ADAMTSL1: variants seen among roughly 807,000 people sequenced by gnomAD.
ADAMTSL1 encodes ADAMTS-like protein 1.
ADAMTSL1 carries 126 observed loss-of-function variants against 201.8 expected under a neutral mutation model. The observed-to-expected ratio is 0.62, with a 90% confidence interval of 0.54 to 0.72. ADAMTSL1 has a LOEUF of 0.72. ADAMTSL1 is among the 30% of genes least tolerant of loss of function. ADAMTSL1 has a pLI of 0.00. For missense variants in ADAMTSL1, 2,679 were observed against 2,277.8 expected, an observed-to-expected ratio of 1.18 and a Z score of -3.59; for synonymous variants, 1,121 against 903.4, an observed-to-expected ratio of 1.24 and a Z score of -4.32.
At chr9:18,521,773 A>C (rs1002038221) in intron 2 of ADAMTSL1, among the ~76,000 whole-genome samples, 1 of 152,220 alleles carries the variant, frequency 6.6e-6, no homozygotes, top group African/African-American at 2.4e-5. Context: ...TAATTATTTT[A>C]AACACAGAAT....
intron 1 of ADAMTSL1, among the ~76,000 whole-genome samples, chr9:18,075,337 A>G (rs921199604): frequency 1.3e-5 from 2 of 152,248 alleles, no homozygotes; most frequent in African/African-American, 2.4e-5. Flanking sequence ...AGTAGAAGTG[A>G]GGTCACAGTC....
At chr9:18,364,586 C>A (rs955199597) in intron 2 of ADAMTSL1, among the ~76,000 whole-genome samples, 1 of 152,118 alleles carries the variant, frequency 6.6e-6, no homozygotes, top group Non-Finnish European at 1.5e-5. Context: ...TATAAACAGA[C>A]CCTCACAGAA....
intron 7 of ADAMTSL1, among the ~76,000 whole-genome samples, chr9:18,647,583 T>C (rs995911410): frequency 1.2e-4 from 18 of 152,286 alleles, no homozygotes; most frequent in African/African-American, 3.1e-4. Context: ...TCTGGTATGT[T>C]GTGTCTTTGT....
chr9:18,293,193 C>CT (rs1441193571), intron 2 of ADAMTSL1, among the ~76,000 whole-genome samples: 1 of 152,172 alleles, frequency 6.6e-6, no homozygotes, highest in East Asian at 1.9e-4. Flanking sequence ...GATTCCATGT[C>CT]TTTGCTATTG....
intron 2 of ADAMTSL1, among the ~76,000 whole-genome samples, chr9:18,221,182 C>A (rs566471400): frequency 6.6e-6 from 1 of 152,166 alleles, no homozygotes; most frequent in African/African-American, 2.4e-5. Flanking sequence ...TCAATCACCT[C>A]ACTGTTTAGT....
intron 1 of ADAMTSL1, among the ~76,000 whole-genome samples, chr9:18,491,245 T>A (rs76605258): frequency 0.079 from 12,085 of 152,266 alleles, 649 homozygotes; most frequent in Non-Finnish European, 0.12. Context: ...TGCCTCAGCA[T>A]TCTTGATATT....
chr9:18,644,275 G>A (rs1163859627), intron 7 of ADAMTSL1, among the ~76,000 whole-genome samples: 1 of 151,772 alleles, frequency 6.6e-6, no homozygotes, highest in Non-Finnish European at 1.5e-5. Flanking sequence ...TTTTTTGGTG[G>A]ATGCATTATA....
chr9:18,503,936 G>A (rs1420144269), intron 1 of ADAMTSL1, among the ~76,000 whole-genome samples: 2 of 151,702 alleles, frequency 1.3e-5, no homozygotes, highest in African/African-American at 4.8e-5. Flanking sequence ...GTTCTAGGTG[G>A]GCTAAGTTCA....
chr9:18,726,081 A>G, intron 15 of ADAMTSL1, among the ~76,000 whole-genome samples: 1 of 152,212 alleles, frequency 6.6e-6, no homozygotes, highest in Admixed American at 6.5e-5. Flanking sequence ...TAGGCACTCA[A>G]AAAAATTCAT....
intron 2 of ADAMTSL1, among the ~76,000 whole-genome samples, chr9:18,320,525 A>G (rs1234198976): frequency 6.6e-6 from 1 of 152,220 alleles, no homozygotes; most frequent in African/African-American, 2.4e-5. Context: ...GAGTTCTTCA[A>G]GATGAAGGGA....
chr9:18,239,256 T>G (rs1355037230), intron 2 of ADAMTSL1, among the ~76,000 whole-genome samples: 1 of 152,172 alleles, frequency 6.6e-6, no homozygotes, highest in East Asian at 1.9e-4. Flanking sequence ...TTACAAAAGA[T>G]TTCTCTGTAG....
chr9:18,094,980 G>C (rs545933183), intron 1 of ADAMTSL1, among the ~76,000 whole-genome samples: 1 of 152,088 alleles, frequency 6.6e-6, no homozygotes, highest in Non-Finnish European at 1.5e-5. Flanking sequence ...GAATTAGAAC[G>C]TTCAGTCCTA....
intron 1 of ADAMTSL1, among the ~76,000 whole-genome samples, chr9:17,939,936 C>G (rs1588448069): frequency 6.6e-6 from 1 of 152,062 alleles, no homozygotes; most frequent in East Asian, 1.9e-4. Flanking sequence ...TGACATTGGA[C>G]TTGACCCTTC....
At position 18,043,763 on chromosome 9, in the gene ADAMTSL1, T is replaced by C. The variant is rs186539034; in HGVS notation, c.88-120099T>C. On this transcript the variant is annotated intron_variant, in intron 1 of 29. Coordinates refer to the ADAMTSL1 transcript ENST00000680146. ...AGCTTGTGGATAATACTTTTGCTAATAAAAAATAATAATTCTAGATTTTTG... is the reference window on the plus strand; with the variant it reads ...AGCTTGTGGATAATACTTTTGCTAACAAAAAATAATAATTCTAGATTTTTG... 2.6e-4 allele frequency among the ~76,000 whole-genome samples: 40 copies of C among 152,146 alleles called. No homozygotes were observed. The East Asian group carries it at 7.4e-3, about 28-fold the overall frequency.
At chr9:18,760,228 C>A (rs1353808279) in intron 16 of ADAMTSL1, among the ~76,000 whole-genome samples, 1 of 152,134 alleles carries the variant, frequency 6.6e-6, no homozygotes, top group Non-Finnish European at 1.5e-5. Flanking sequence ...AACATCTATA[C>A]CCTATTTTAT....
At position 18,908,596 on chromosome 9, in the gene ADAMTSL1, C is replaced by T. The variant is rs202019020; in HGVS notation, c.*48C>T. 4.9e-4 allele frequency: 690 copies of T among 1,422,048 alleles called. 11 individuals carry two copies. Among genetic ancestry groups the T allele is most frequent in the Middle Eastern group, 1.9e-3 (11 of 5,718 alleles). The allele number at this position is 1,422,048 out of a possible 1,614,324, so 88.1% of individuals were successfully genotyped here. A position where few individuals can be genotyped will look rare whatever the true frequency, so the allele number is the denominator to read the frequency against. ...CTACCCTGGCCACACGAAGGACTCA[C>T]GCAACCACCTCGGACAGAACCTAAG... On this transcript the variant is annotated 3_prime_UTR_variant, in exon 29 of 29. Transcript: ENST00000380548.
chr9:18,709,729 G>C (rs1168107473), intron 14 of ADAMTSL1, among the ~76,000 whole-genome samples: 3 of 152,178 alleles, frequency 2.0e-5, no homozygotes, highest in African/African-American at 7.2e-5. Context: ...TTTCCCACAT[G>C]TGAACTGATA....
chr9:18,315,153 G>T (rs938736624), intron 2 of ADAMTSL1, among the ~76,000 whole-genome samples: 4 of 152,148 alleles, frequency 2.6e-5, no homozygotes, highest in African/African-American at 7.2e-5. Context: ...ACAGGGTGCT[G>T]ATTGGTGCAT....
intron 1 of ADAMTSL1, among the ~76,000 whole-genome samples, chr9:18,077,271 C>T (rs575147460): frequency 8.5e-5 from 13 of 152,200 alleles, no homozygotes; most frequent in African/African-American, 2.9e-4. Flanking sequence ...TAAAGCTACA[C>T]AAAGGCATAT....
Sources: allele counts gnomAD v4.1 joint callset (sites outside exome capture counted in the v4.1 genomes callset), GRCh38; gene constraint gnomAD v4.1.1; transcripts MANE v1.5; gene names NCBI Gene and HGNC (gene_info 2026-07-23, HGNC 2026-07-21).